The following NTM variants were observed in gnomAD, a reference collection of about 807,000 sequenced individuals.
NTM encodes neurotrimin.
Under a neutral mutation model 42.1 loss-of-function variants are expected in NTM, and 13 were observed. That is an observed-to-expected ratio of 0.31 (90% CI 0.20 to 0.49). The LOEUF (loss-of-function observed/expected upper bound fraction) is 0.49. Among genes scored for constraint, NTM ranks in the 20% least tolerant of loss-of-function variants. The pLI is 0.99. For missense variants in NTM, 373 were observed against 452.8 expected (o/e 0.82, Z 1.60); for synonymous variants, 187 against 179.2 (o/e 1.04, Z -0.35).
At chr11:132,071,538 T>C (rs2057674446) in intron 2 of NTM, among the ~76,000 whole-genome samples, 1 of 152,208 alleles carries the variant, frequency 6.6e-6, no homozygotes, top group Non-Finnish European at 1.5e-5. Flanking sequence ...TTGATTCAAA[T>C]GTGGGAAAAA....
At chr11:132,052,741 T>C (rs956846858) in intron 2 of NTM, among the ~76,000 whole-genome samples, 3 of 151,442 alleles carry the variant, frequency 2.0e-5, no homozygotes, top group African/African-American at 7.3e-5. Flanking sequence ...GTAGAATCAA[T>C]TATCTCTTCA....
chr11:131,395,008 C>G (rs1271221688), intron 1 of NTM, among the ~76,000 whole-genome samples: 1 of 152,118 alleles, frequency 6.6e-6, no homozygotes, highest in Non-Finnish European at 1.5e-5. Flanking sequence ...AGGTACGGGA[C>G]CTTTCTCTGA....
At chr11:131,784,462 C>CA (rs1257288526) in intron 1 of NTM, among the ~76,000 whole-genome samples, 3 of 151,862 alleles carry the variant, frequency 2.0e-5, no homozygotes, top group African/African-American at 7.3e-5. Context: ...GGAATAAATT[C>CA]AAAAAACATT....
chr11:131,915,704 C>T (rs2056209393), intron 2 of NTM, among the ~76,000 whole-genome samples: 1 of 152,046 alleles, frequency 6.6e-6, no homozygotes. Context: ...GCTGGGGAGG[C>T]CTCACAATCA....
intron 2 of NTM, among the ~76,000 whole-genome samples, chr11:131,955,416 A>G (rs1437816049): frequency 6.6e-6 from 1 of 152,124 alleles, no homozygotes; most frequent in Non-Finnish European, 1.5e-5. Context: ...GGCAACTGCT[A>G]GGCCTTCCCT....
At chr11:131,677,221 T>A (rs1263108986) in intron 1 of NTM, among the ~76,000 whole-genome samples, 1 of 152,174 alleles carries the variant, frequency 6.6e-6, no homozygotes, top group Non-Finnish European at 1.5e-5. Flanking sequence ...GCTCAAGGCC[T>A]GAAGTCTGTC....
intron 2 of NTM, among the ~76,000 whole-genome samples, chr11:132,004,270 A>C (rs2070172265): frequency 1.3e-5 from 2 of 152,226 alleles, no homozygotes; most frequent in Non-Finnish European, 2.9e-5. Context: ...TATATTCAAA[A>C]TACAGATACC....
intron 4 of NTM, among the ~76,000 whole-genome samples, chr11:132,232,105 T>C (rs2087708920): frequency 3.9e-5 from 6 of 152,254 alleles, no homozygotes; most frequent in Admixed American, 3.9e-4. Context: ...GTTGTCACTC[T>C]ACCTGCGTCT....
intron 1 of NTM, among the ~76,000 whole-genome samples, chr11:131,778,546 A>T (rs562686685): frequency 6.6e-6 from 1 of 152,312 alleles, no homozygotes; most frequent in East Asian, 1.9e-4. Flanking sequence ...TTTAGTAGTC[A>T]TCAGGAATTC....
At chr11:132,028,309 A>C (rs759754775) in intron 2 of NTM, among the ~76,000 whole-genome samples, 2 of 150,102 alleles carry the variant, frequency 1.3e-5, no homozygotes, top group Non-Finnish European at 2.9e-5. Flanking sequence ...GCCAGACATG[A>C]TATACTGGGG....
rs2095773241 is a variant in NTM at position 132,330,165 on chromosome 11, C to T, written c.947C>T (p.Thr316Ile). Reference sequence around the variant, plus strand: ...TAATTTCTTTTAGAAGTGAAAACTACAGCCCTGACCCCTTGGAAAGGTTTG... The same window carrying T: ...TAATTTCTTTTAGAAGTGAAAACTATAGCCCTGACCCCTTGGAAAGGTTTG... ...ASIMLFEVKT[T>I]ALTPWKGPGA... The change falls in exon 8 of 9, where the codon ACA becomes ATA. Residue 316 changes from threonine to isoleucine, a missense_variant. Physicochemically the swap from Thr to Ile is moderately conservative, Grantham distance 89 (BLOSUM62 -1). Around this residue, in one of 3 missense-constraint regions of NTM, gnomAD observed 312 missense variants for 353.5 expected, o/e 0.88. Transcript: ENST00000683400. 1 of 1,551,702 alleles carries T rather than the reference C, an allele frequency of 6.4e-7. No homozygotes were observed. The highest frequency in any genetic ancestry group is 8.7e-7 in the Non-Finnish European group (1 of 1,146,940).
intron 4 of NTM, among the ~76,000 whole-genome samples, chr11:132,225,496 G>A (rs2086033892): frequency 6.6e-6 from 1 of 152,060 alleles, no homozygotes; most frequent in Non-Finnish European, 1.5e-5. Context: ...CCATGAGTGG[G>A]GAATGCATTT....
At chr11:132,235,422 T>G (rs997105067) in intron 4 of NTM, among the ~76,000 whole-genome samples, 31 of 152,282 alleles carry the variant, frequency 2.0e-4, no homozygotes, top group African/African-American at 7.0e-4. Flanking sequence ...CTTCCTCTTG[T>G]GTTGTAAACT....
intron 2 of NTM, among the ~76,000 whole-genome samples, chr11:131,969,793 A>G (rs924898510): frequency 2.0e-5 from 3 of 152,216 alleles, no homozygotes; most frequent in African/African-American, 7.2e-5. Flanking sequence ...TCATTTTAGT[A>G]TAAAGAAAGA....
chr11:131,939,018 A>T (rs79287968), intron 2 of NTM, among the ~76,000 whole-genome samples: 5,113 of 152,318 alleles, frequency 0.034, 128 homozygotes, highest in Middle Eastern at 0.1. Flanking sequence ...TTATGATTGC[A>T]AAGCTCGGGA....
rs2082987825 is a variant in NTM at position 132,212,286 on chromosome 11, C to T, written c.526+139C>T. The T allele has an allele frequency of 6.1e-6, 4 of 653,824 alleles. No homozygotes were observed. In the South Asian group the frequency reaches 7.8e-5, roughly 13 times the overall value. 40.5% of individuals were successfully genotyped at this position (653,824 alleles called of 1,614,324 possible). The stretch of plus-strand genomic sequence containing the variant: ...GCTTGATGGTAATCTACTCATGGCT[C>T]TGCAGAGAACGTTGATGTTCTCTGC... On this transcript the variant is annotated intron_variant, in intron 4 of 8. Transcript: ENST00000683400.
At chr11:132,125,716 G>A (rs375950553) in intron 2 of NTM, among the ~76,000 whole-genome samples, 4 of 42 alleles carry the variant, frequency 0.095, 1 homozygote, top group Non-Finnish European at 0.12. Flanking sequence ...TGTGTAGTGT[G>A]TGGTGTGTGA....
chr11:131,986,980 A>T (rs1298726393), intron 2 of NTM, among the ~76,000 whole-genome samples: 2 of 152,240 alleles, frequency 1.3e-5, no homozygotes, highest in Non-Finnish European at 2.9e-5. Context: ...AGTGTTAACC[A>T]AGAGATGAAA....
intron 1 of NTM, among the ~76,000 whole-genome samples, chr11:131,572,246 T>G (rs1380270142): frequency 6.6e-6 from 1 of 152,074 alleles, no homozygotes; most frequent in African/African-American, 2.4e-5. Flanking sequence ...CCATCAGAGG[T>G]GCCCTGATGT....
Sources: allele counts gnomAD v4.1 joint callset (sites outside exome capture counted in the v4.1 genomes callset), GRCh38; gene constraint gnomAD v4.1.1; regional missense constraint gnomAD v4.1.1; transcripts MANE v1.5; gene names NCBI Gene and HGNC (gene_info 2026-07-23, HGNC 2026-07-21).